The following ITGB6 variants were observed in gnomAD, a reference collection of about 807,000 sequenced individuals.
The protein encoded by ITGB6 is integrin subunit beta 6, also known as integrin beta-6.
In ITGB6, 80 loss-of-function variants were observed where a neutral mutation model predicts 84.5. The observed-to-expected ratio is 0.95, with a 90% confidence interval of 0.79 to 1.14. ITGB6 has a LOEUF of 1.14. Among genes scored for constraint, ITGB6 ranks in the 50% most tolerant of loss-of-function variants. ITGB6 has a pLI of 0.00. For missense variants in ITGB6, 1,006 were observed against 968.0 expected, an observed-to-expected ratio of 1.04 and a Z score of -0.52; for synonymous variants, 383 against 354.9, an observed-to-expected ratio of 1.08 and a Z score of -0.89.
At chr2:160,180,606 C>G (rs1574129636) in intron 4 of ITGB6, among the ~76,000 whole-genome samples, 1 of 152,164 alleles carries the variant, frequency 6.6e-6, no homozygotes, top group African/African-American at 2.4e-5. Context: ...TCACGTTAAA[C>G]TATTTTCACA....
chr2:160,174,713 A>T (rs1685349177), intron 4 of ITGB6, among the ~76,000 whole-genome samples: 1 of 152,216 alleles, frequency 6.6e-6, no homozygotes, highest in Non-Finnish European at 1.5e-5. Context: ...CAATGTTACG[A>T]TGAAATCTGC....
At chr2:160,123,288 T>C (rs992797842) in intron 12 of ITGB6, among the ~76,000 whole-genome samples, 2 of 152,078 alleles carry the variant, frequency 1.3e-5, no homozygotes, top group Admixed American at 1.3e-4. Flanking sequence ...AATGCCCATG[T>C]TTGGAAGGTT....
At chr2:160,160,481 AT>A (rs1308261867) in intron 7 of ITGB6, among the ~76,000 whole-genome samples, 9 of 152,150 alleles carry the variant, frequency 5.9e-5, no homozygotes, top group African/African-American at 2.2e-4. Context: ...TGATTCCAAA[AT>A]TTTCTGTTTA....
At chr2:160,106,664 A>T (rs1473386594) in intron 14 of ITGB6, among the ~76,000 whole-genome samples, 1 of 152,228 alleles carries the variant, frequency 6.6e-6, no homozygotes, top group Non-Finnish European at 1.5e-5. Flanking sequence ...TAAAGTAGAT[A>T]AAAATTTTCA....
Position 160,199,878 on chromosome 2 carries a change from A to G in ITGB6, c.61+125T>C, listed in dbSNP as rs1686489062. 6 of 719,698 alleles carry G rather than the reference A, an allele frequency of 8.3e-6. No individual in the cohort carries two copies. In the South Asian group the frequency reaches 1.1e-4, roughly 13 times the overall value. The allele number at this position is 719,698 out of a possible 1,614,324, so 44.6% of individuals were successfully genotyped here. A position where few individuals can be genotyped will look rare whatever the true frequency, so the allele number is the denominator to read the frequency against. On this transcript the variant is annotated intron_variant, in intron 1 of 14. Transcript: ENST00000283249. The stretch of plus-strand genomic sequence containing the variant: ...TTGTCTGTAATTTGTTAAAGTGTTC[A>G]CTCAGTCACAAAAGAGCAATGGAAC...
In ITGB6 at chr2:160,185,009, C is replaced by G. The variant is rs1685837887; in HGVS notation, c.593+10360G>C. Among the ~76,000 whole-genome samples the G allele has an allele frequency of 2.0e-5, 3 of 152,094 alleles. No individual in the cohort carries two copies. The South Asian group carries it at 6.2e-4, about 32-fold the overall frequency. On this transcript the variant is annotated intron_variant, in intron 4 of 14. Transcript: ENST00000283249. ...ATAATAAGAGCTGTTCATGACAAAC[C>G]CACAGCCAATATCATACTGAATGGG...
chr2:160,118,297 A>T (rs1682873611), intron 12 of ITGB6, among the ~76,000 whole-genome samples: 1 of 152,224 alleles, frequency 6.6e-6, no homozygotes, highest in Non-Finnish European at 1.5e-5. Flanking sequence ...CCAGCAGCAC[A>T]TCAAAAAGCT....
intron 12 of ITGB6, among the ~76,000 whole-genome samples, chr2:160,122,706 T>C (rs1251153405): frequency 6.6e-6 from 1 of 152,244 alleles, no homozygotes; most frequent in Non-Finnish European, 1.5e-5. Context: ...AGGGGTTTTA[T>C]GAGCACATAT....
rs559991391 is a variant in ITGB6, at chr2:160,124,346, T to C, written c.1884-458A>G. Among the ~76,000 whole-genome samples the C allele has an allele frequency of 3.3e-5, 5 of 152,376 alleles. 1 individual carries two copies. In the East Asian group the frequency reaches 5.8e-4, roughly 18 times the overall value. On this transcript the variant is annotated intron_variant, in intron 11 of 14. Coordinates refer to ENST00000283249, the MANE Select transcript of ITGB6 (RefSeq NM_000888.5). ...TAGTGGACTTTGTATATGTCTTATA[T>C]GATTATTTTCACAATTCACTTTTCT...
At chr2:160,176,249 C>T (rs1035088751) in intron 4 of ITGB6, among the ~76,000 whole-genome samples, 1 of 152,156 alleles carries the variant, frequency 6.6e-6, no homozygotes, top group Non-Finnish European at 1.5e-5. Context: ...GAAAAGCTCT[C>T]GCAACCAAAG....
Position 160,173,997 on chromosome 2 carries a change from T to C in ITGB6, c.736A>G (p.Ile246Val), listed in dbSNP as rs1265317930. 3 of 1,613,766 alleles carry C rather than the reference T, an allele frequency of 1.9e-6. No homozygotes were observed. The highest frequency in any genetic ancestry group is 2.5e-6 in the Non-Finnish European group (3 of 1,179,906). Reference protein sequence around the residue: ...IDTPEGGFDAIMQAAVCKEKI... With the variant: ...IDTPEGGFDAVMQAAVCKEKI... ...ACCTTACACACAGCAGCTTGCATAA[T>C]TGCATCAAATCCACCTTCGGGTGTG... Residue 246 changes from isoleucine (I) to valine (V), a missense_variant, in exon 5 of 15, where the codon ATT becomes GTT. Ile to Val is a conservative substitution (Grantham distance 29, BLOSUM62 3). Coordinates refer to ENST00000283249, the MANE Select transcript of ITGB6 (RefSeq NM_000888.5).
intron 7 of ITGB6, among the ~76,000 whole-genome samples, chr2:160,166,930 C>T (rs1288968323): frequency 6.6e-6 from 1 of 152,208 alleles, no homozygotes; most frequent in Non-Finnish European, 1.5e-5. Flanking sequence ...AGTCATTTTT[C>T]CTGCATTCCA....
At chr2:160,124,371 T>C (rs1345444847) in intron 11 of ITGB6, among the ~76,000 whole-genome samples, 1 of 152,232 alleles carries the variant, frequency 6.6e-6, no homozygotes, top group African/African-American at 2.4e-5. Flanking sequence ...TTCACTTTTC[T>C]GTAACTCTTT....
In ITGB6 at chr2:160,137,752, C is replaced by T; in HGVS notation, c.1342G>A (p.Val448Ile). The change falls in exon 10 of 15, where the codon GTC becomes ATC. Residue 448 changes from valine to isoleucine, a missense_variant. Val to Ile is a conservative substitution (Grantham distance 29). Transcript: ENST00000283249. Reference sequence around the variant, plus strand: ...CAGTCGCAGTTGCATTCTGGGCTGACAAGTAATTCCAGGGCATCCCCCAGC... The same window carrying T: ...CAGTCGCAGTTGCATTCTGGGCTGATAAGTAATTCCAGGGCATCCCCCAGC... ...VGLGDALELL[V>I]SPECNCDCQK... is the part of the protein sequence containing the mutation. The T allele has an allele frequency of 6.2e-7, 1 of 1,614,178 alleles. No homozygotes were observed. The highest frequency in any genetic ancestry group is 1.1e-5 in the South Asian group (1 of 91,078).
At chr2:160,111,942 C>G in intron 13 of ITGB6, 138 bp downstream of exon 13, 1 of 852,788 alleles carries the variant, frequency 1.2e-6, no homozygotes, top group Non-Finnish European at 1.9e-6. Context: ...ATCTTTCAAT[C>G]CTTGGGAAAC....
intron 7 of ITGB6, among the ~76,000 whole-genome samples, chr2:160,166,247 G>T (rs1238978474): frequency 6.6e-6 from 1 of 152,162 alleles, no homozygotes; most frequent in Non-Finnish European, 1.5e-5. Context: ...GAGTAAACTG[G>T]AAGTACCAGT....
intron 10 of ITGB6, among the ~76,000 whole-genome samples, chr2:160,130,476 C>G (rs1010046849): frequency 6.6e-6 from 1 of 152,054 alleles, no homozygotes; most frequent in Non-Finnish European, 1.5e-5. Context: ...GTAAGTCGAG[C>G]AACACACTAA....
chr2:160,122,725 T>C (rs1246392943), intron 12 of ITGB6, among the ~76,000 whole-genome samples: 1 of 152,204 alleles, frequency 6.6e-6, no homozygotes, highest in Non-Finnish European at 1.5e-5. Context: ...ATCATGACCC[T>C]CCATATAGGG....
At chr2:160,119,731 C>A (rs2105791741) in intron 12 of ITGB6, among the ~76,000 whole-genome samples, 1 of 152,192 alleles carries the variant, frequency 6.6e-6, no homozygotes, top group Admixed American at 6.5e-5. Context: ...GAACAGGCAA[C>A]CTACAGAATG....
Sources: gnomAD v4.1 joint callset for allele counts (sites outside exome capture counted in the v4.1 genomes callset) on GRCh38, gnomAD v4.1.1 for gene constraint, MANE v1.5 for transcripts, NCBI Gene and HGNC (gene_info 2026-07-23, HGNC 2026-07-21) for gene names.